Variants in MCTP1 observed in about 807,000 individuals in gnomAD.
The protein encoded by MCTP1 is multiple C2 and transmembrane domain-containing protein 1.
MCTP1 carries 69 observed loss-of-function variants against 120.6 expected under a neutral mutation model. That is an observed-to-expected ratio of 0.57 (90% CI 0.47 to 0.70). The LOEUF is 0.70. Ranked by LOEUF, MCTP1 falls within the 30% of genes least tolerant of loss-of-function variation. MCTP1 has a pLI of 0.00. For synonymous variants in MCTP1, 529 were observed against 493.1 expected, an observed-to-expected ratio of 1.07 and a Z score of -0.96; for missense variants, 1,203 against 1,248.8, an observed-to-expected ratio of 0.96 and a Z score of 0.55.
At chr5:94,823,088 A>G (rs1786064712) in intron 17 of MCTP1, among the ~76,000 whole-genome samples, 1 of 152,086 alleles carries the variant, frequency 6.6e-6, no homozygotes. Context: ...TTTTGTTGAC[A>G]TTGCTTTTGG....
intron 12 of MCTP1, among the ~76,000 whole-genome samples, chr5:94,875,435 T>C (rs916310787): frequency 6.6e-6 from 1 of 152,000 alleles, no homozygotes; most frequent in Non-Finnish European, 1.5e-5. Flanking sequence ...GGTCTGGAGA[T>C]AGTGGCAGGT....
intron 2 of MCTP1, among the ~76,000 whole-genome samples, chr5:94,974,432 C>G (rs1369525800): frequency 6.6e-6 from 1 of 151,868 alleles, no homozygotes; most frequent in Non-Finnish European, 1.5e-5. Context: ...GCCTGTAGTC[C>G]CAGTTACTTG....
rs376741054 is a variant in MCTP1 at position 95,001,791 on chromosome 5, G to T, written c.838+15576C>A. On this transcript the variant is annotated intron_variant, in intron 2 of 22. Coordinates refer to ENST00000515393, the MANE Select transcript of MCTP1 (RefSeq NM_024717.7). The stretch of plus-strand genomic sequence containing the variant: ...CATAGAAAAGAAAAAATCATTTTTG[G>T]GGGGAGAAATTCAAGCCTCCTGCAG... 1.5e-4 allele frequency among the ~76,000 whole-genome samples: 23 copies of T among 152,286 alleles called. No homozygotes were observed. The East Asian group carries it at 4.1e-3, about 27-fold the overall frequency.
chr5:95,142,988 T>G (rs1213693793), intron 1 of MCTP1, among the ~76,000 whole-genome samples: 1 of 152,078 alleles, frequency 6.6e-6, no homozygotes, highest in Non-Finnish European at 1.5e-5. Context: ...AATATACTGT[T>G]TTTTTCATAA....
At chr5:94,898,644 T>C (rs1244629184) in intron 10 of MCTP1, among the ~76,000 whole-genome samples, 1 of 152,206 alleles carries the variant, frequency 6.6e-6, no homozygotes, top group East Asian at 1.9e-4. Flanking sequence ...ATCCAGGTGG[T>C]TCAGGATAGG....
chr5:95,061,408 G>GTTTTTTTTTT (rs556663513), intron 1 of MCTP1, among the ~76,000 whole-genome samples: 2 of 33,484 alleles, frequency 6.0e-5, no homozygotes, highest in African/African-American at 2.0e-4. Context: ...CCCCTTAAGG[G>GTTTTTTTTTT]TTTTTTTTTT....
intron 19 of MCTP1, 115 bp downstream of exon 19, chr5:94,778,995 C>A: frequency 1.2e-6 from 1 of 846,968 alleles, no homozygotes; most frequent in South Asian, 1.5e-5. Context: ...ATAAACAGCA[C>A]TGTCCAATTT....
intron 17 of MCTP1, among the ~76,000 whole-genome samples, chr5:94,861,138 G>A (rs543643256): frequency 6.6e-6 from 1 of 151,818 alleles, no homozygotes; most frequent in African/African-American, 2.4e-5. Context: ...GCTGAGTGTT[G>A]GACCTCTGTC....
intron 19 of MCTP1, among the ~76,000 whole-genome samples, chr5:94,716,724 T>C (rs1041890785): frequency 2.6e-5 from 4 of 151,778 alleles, no homozygotes; most frequent in Non-Finnish European, 1.5e-5. Flanking sequence ...AGGTAAAACC[T>C]CAGCAGGAAA....
chr5:95,103,748 C>G (rs946396577), intron 1 of MCTP1, among the ~76,000 whole-genome samples: 1 of 152,136 alleles, frequency 6.6e-6, no homozygotes, highest in Non-Finnish European at 1.5e-5. Context: ...TCCAGGTGCT[C>G]TCAAACAGTT....
chr5:95,064,693 C>T (rs1750132989), intron 1 of MCTP1, among the ~76,000 whole-genome samples: 1 of 152,110 alleles, frequency 6.6e-6, no homozygotes, highest in Admixed American at 6.5e-5. Context: ...GATAAAGGCC[C>T]ATAGGTGTAC....
intron 17 of MCTP1, among the ~76,000 whole-genome samples, chr5:94,817,362 C>A (rs183759754): frequency 1.3e-5 from 2 of 152,094 alleles, no homozygotes; most frequent in African/African-American, 4.8e-5. Flanking sequence ...GAGCCGAGAT[C>A]GCGCCACTGC....
rs546310473 is a variant in MCTP1, at chr5:95,076,074, AT to A, written c.721-58591del. 3.3e-3 allele frequency among the ~76,000 whole-genome samples: 503 copies of A among 152,192 alleles called. 1 individual carries two copies. The highest frequency in any genetic ancestry group is 0.012 in the African/African-American group (484 of 41,520). ...GATTGTACTGAACCCTATATATGCTATTTTTTTCTATACATATATACCTATG... is the reference window on the plus strand; with the variant it reads ...GATTGTACTGAACCCTATATATGCTATTTTTTCTATACATATATACCTATG... On this transcript the variant is annotated intron_variant, in intron 1 of 22. Transcript: ENST00000515393.
chr5:94,904,768 G>C (rs1806372878), intron 10 of MCTP1, among the ~76,000 whole-genome samples: 1 of 152,140 alleles, frequency 6.6e-6, no homozygotes, highest in South Asian at 2.1e-4. Flanking sequence ...CTGACAAAGA[G>C]CCATAATTTC....
At chr5:95,136,192 T>C (rs1759433199) in intron 1 of MCTP1, among the ~76,000 whole-genome samples, 1 of 152,232 alleles carries the variant, frequency 6.6e-6, no homozygotes, top group African/African-American at 2.4e-5. Flanking sequence ...TCCACTGGTC[T>C]TATTTCTGAA....
chr5:94,877,514 T>C (rs1322024877), intron 12 of MCTP1: 1 of 152,112 alleles, frequency 6.6e-6, no homozygotes, highest in Non-Finnish European at 1.5e-5. Flanking sequence ...CCAATCCTTT[T>C]TTGGGGGTGA....
At chr5:94,791,127 A>AG (rs1330324098) in intron 18 of MCTP1, among the ~76,000 whole-genome samples, 2,127 of 149,554 alleles carry the variant, frequency 0.014, 64 homozygotes, top group African/African-American at 0.05. Context: ...AAAAAAAAAA[A>AG]AAAAAAGAAA....
intron 1 of MCTP1, among the ~76,000 whole-genome samples, chr5:95,146,284 T>G (rs1033533777): frequency 1.3e-5 from 2 of 152,184 alleles, no homozygotes; most frequent in African/African-American, 4.8e-5. Flanking sequence ...TTTTTTCCTT[T>G]GTTAATCTAG....
chr5:94,957,224 T>A (rs1431479034), intron 2 of MCTP1, among the ~76,000 whole-genome samples: 1 of 152,070 alleles, frequency 6.6e-6, no homozygotes, highest in Non-Finnish European at 1.5e-5. Flanking sequence ...GCTGAGAGAT[T>A]TTGTCACCAC....
Sources: gnomAD v4.1 joint callset for allele counts (sites outside exome capture counted in the v4.1 genomes callset) on GRCh38, gnomAD v4.1.1 for gene constraint, MANE v1.5 for transcripts, NCBI Gene and HGNC (gene_info 2026-07-23, HGNC 2026-07-21) for gene names.